The following SPO11 variants were observed in gnomAD, a reference collection of about 807,000 sequenced individuals.
The protein encoded by SPO11 is meiotic recombination protein SPO11.
In SPO11, 49 loss-of-function variants were observed where a neutral mutation model predicts 51.6. That is an observed-to-expected ratio of 0.95 (90% CI 0.75 to 1.20). SPO11 has a LOEUF of 1.20. Ranked by LOEUF, SPO11 falls within the 50% of genes most tolerant of loss-of-function variation. The pLI is 0.00. For missense variants in SPO11, 431 were observed against 473.4 expected, an observed-to-expected ratio of 0.91 and a Z score of 0.83; for synonymous variants, 176 against 158.2, an observed-to-expected ratio of 1.11 and a Z score of -0.84.
intron 2 of SPO11, among the ~76,000 whole-genome samples, chr20:57,332,630 A>G (rs888369684): frequency 4.6e-5 from 7 of 152,224 alleles, no homozygotes; most frequent in African/African-American, 9.6e-5. Context: ...ATGTTTTGAA[A>G]GATGGATTTT....
At chr20:57,333,824 T>C (rs760150845) in intron 4 of SPO11, 71 bp downstream of exon 4, 71 of 1,060,294 alleles carry the variant, frequency 6.7e-5, no homozygotes, top group Non-Finnish European at 9.4e-5. Flanking sequence ...ACTTTTATTA[T>C]ATGCTTTGAA....
chr20:57,335,403 AC>A lies in SPO11; in HGVS notation c.598-15del, dbSNP rs758789088. On this transcript the variant is annotated splice_polypyrimidine_tract_variant and intron_variant, in intron 6 of 12. Transcript: ENST00000371263. ...ATTTTGCTTTTTATGTAAGATAAAA[AC>A]TTTTTTTTTAAAAGGCTGTTGCTGT... The A allele has an allele frequency of 6.3e-7, 1 of 1,599,650 alleles. No individual in the cohort carries two copies. The highest frequency in any genetic ancestry group is 8.5e-7 in the Non-Finnish European group (1 of 1,174,668).
Position 57,330,135 on chromosome 20 carries a change from TCCTTCCTGAGTA to T in SPO11, c.131+140_131+151del, listed in dbSNP as rs1192294126. 4.4e-5 allele frequency: 57 copies of T among 1,284,058 alleles called. No homozygotes were observed. The East Asian group carries it at 1.5e-3, about 33-fold the overall frequency. The allele number at this position is 1,284,058 out of a possible 1,614,324, so 79.5% of individuals were successfully genotyped here. ...GGCCAGCCAGGAACCCCCAAAAAGA[TCCTTCCTGAGTA>T]CCCGTGACCTGCTTTGAACCCTTAT... On this transcript the variant is annotated intron_variant, in intron 1 of 12. Transcript: ENST00000371263.
At position 57,334,775 on chromosome 20, in the gene SPO11, C is replaced by A. The variant is rs761662774; in HGVS notation, c.536C>A (p.Ala179Asp). ...TTATCTACATCAAAAGGTTTAATTG[C>A]TGGCAACTTAAGATACATCGAGGAA... ...HILSTSKGLI[A>D]GNLRYIEEDG... The change falls in exon 6 of 13, where the codon GCT becomes GAT. Residue 179 changes from alanine (A) to aspartate (D), a missense_variant. Physicochemically the swap from Ala to Asp is moderately radical, Grantham distance 126 (BLOSUM62 -2). This residue lies in a region of SPO11 where 405 missense variants were observed against 425.9 expected (regional missense o/e 0.95). Coordinates refer to ENST00000371263, the MANE Select transcript of SPO11 (RefSeq NM_012444.3). The A allele has an allele frequency of 6.2e-7, 1 of 1,613,550 alleles. No homozygotes were observed. Among genetic ancestry groups the A allele is most frequent in the Non-Finnish European group, 8.5e-7 (1 of 1,179,700 alleles).
intron 1 of SPO11, 120 bp downstream of exon 1, chr20:57,330,118 A>G (rs935949474): frequency 1.5e-6 from 2 of 1,359,544 alleles, no homozygotes; most frequent in Non-Finnish European, 1.9e-6. Flanking sequence ...CGGGCCAGCC[A>G]GGAACCCCCA....
Position 57,329,948 on chromosome 20 carries a change from G to T in SPO11, c.81G>T (p.Leu27=). The change falls in exon 1 of 13, where the codon CTG becomes CTT. Residue 27 remains leucine, a synonymous_variant. Coordinates refer to ENST00000371263, the MANE Select transcript of SPO11 (RefSeq NM_012444.3). ...ACAGGGAGTCCCTGCTGGCTGCCCT[G>T]AGGAGAGGTGGCAGGGAGCCCCCAA... ...DRHRESLLAA[L]RRGGREPPTG... is the part of the protein sequence containing the mutation. The T allele has an allele frequency of 6.2e-7, 1 of 1,612,896 alleles. No individual in the cohort carries two copies.
intron 5 of SPO11, 133 bp from the exon 6 acceptor site, chr20:57,334,617 T>G: frequency 1.6e-6 from 1 of 633,288 alleles, no homozygotes; most frequent in Non-Finnish European, 2.7e-6. Context: ...CCCTTACATA[T>G]TTTCTCTTTC....
At chr20:57,340,433 T>C (rs1458177950) in intron 11 of SPO11, among the ~76,000 whole-genome samples, 2 of 152,234 alleles carry the variant, frequency 1.3e-5, no homozygotes, top group African/African-American at 4.8e-5. Context: ...CTTTTATGGT[T>C]AAGACATTTT....
intron 6 of SPO11, 70 bp downstream of exon 6, chr20:57,334,906 A>G (rs2066493717): frequency 7.5e-7 from 1 of 1,337,404 alleles, no homozygotes; most frequent in Admixed American, 2.0e-5. Flanking sequence ...GCATAATTTT[A>G]TTTCTTGCTT....
Position 57,342,816 on chromosome 20 carries a change from C to G in SPO11, c.1047C>G (p.Thr349=). 6.2e-7 allele frequency: 1 copy of G among 1,612,330 alleles called. No homozygotes were observed. Among genetic ancestry groups the G allele is most frequent in the Non-Finnish European group, 8.5e-7 (1 of 1,178,986 alleles). The part of the protein sequence containing the change: ...LDSILRRPYV[T]CQPFWRKEME... Reference sequence around the variant, plus strand: ...GTATCCTGAGGAGACCTTATGTTACCTGCCAACCATTTTGGAGAAAAGAAG... The same window carrying G: ...GTATCCTGAGGAGACCTTATGTTACGTGCCAACCATTTTGGAGAAAAGAAG... The change falls in exon 12 of 13, where the codon ACC becomes ACG. Residue 349 remains threonine (T), a synonymous_variant. Transcript: ENST00000371263.
chr20:57,330,386 TTTTA>T lies in SPO11; in HGVS notation c.131+392_131+395del, dbSNP rs960029960. On this transcript the variant is annotated intron_variant, in intron 1 of 12. Coordinates refer to ENST00000371263, the MANE Select transcript of SPO11 (RefSeq NM_012444.3). Reference sequence around the variant, plus strand: ...TTAAACTTTAAGGGTTTTTTTTGGTTTTTATTTTTTGGTTTTTTTTTAGAAAGAA... The same window carrying T: ...TTAAACTTTAAGGGTTTTTTTTGGTTTTTTTTGGTTTTTTTTTAGAAAGAA... Among the ~76,000 whole-genome samples the T allele has an allele frequency of 1.2e-4, 19 of 152,280 alleles. 1 individual carries two copies. The highest frequency in any genetic ancestry group is 1.1e-3 in the Admixed American group (17 of 15,300).
At chr20:57,336,038 G>T (rs1363386607) in intron 8 of SPO11, 131 bp downstream of exon 8, 1 of 583,162 alleles carries the variant, frequency 1.7e-6, no homozygotes, top group South Asian at 2.4e-5. Context: ...TCATAGAACG[G>T]GAATTTCCAA....
rs541871944 is a variant in SPO11, at chr20:57,334,444, G to A, written c.511-306G>A. Among the ~76,000 whole-genome samples the A allele has an allele frequency of 1.3e-4, 20 of 152,240 alleles. No homozygotes were observed. In the South Asian group the frequency reaches 2.7e-3, roughly 20 times the overall value. On this transcript the variant is annotated intron_variant, in intron 5 of 12. Transcript: ENST00000371263. Reference sequence around the variant, plus strand: ...TCTAGGATTACAGGCGTAAGCCACCGCGCCCAGACAAAACATAATTTTAAA... The same window carrying A: ...TCTAGGATTACAGGCGTAAGCCACCACGCCCAGACAAAACATAATTTTAAA...
At position 57,331,900 on chromosome 20, in the gene SPO11, G is replaced by T. The variant is rs781125742; in HGVS notation, c.199G>T (p.Ala67Ser). ...DIITSLARNE[A>S]PAFTIDNRSS... is the part of the protein sequence containing the mutation. ...AATCACAAGCTTGGCAAGAAATGAA[G>T]CACCTGCATTCACGATAGACAACAG... The change falls in exon 2 of 13, where the codon GCA becomes TCA. Residue 67 changes from alanine (A) to serine (S), a missense_variant. Around this residue, in one of 3 missense-constraint regions of SPO11, gnomAD observed 405 missense variants for 425.9 expected, o/e 0.95. Coordinates refer to ENST00000371263, the MANE Select transcript of SPO11 (RefSeq NM_012444.3). The T allele has an allele frequency of 1.9e-6, 3 of 1,605,212 alleles. No homozygotes were observed. Among genetic ancestry groups the T allele is most frequent in the South Asian group, 1.1e-5 (1 of 88,998 alleles).
At chr20:57,342,296 G>A (rs1214638702) in intron 11 of SPO11, among the ~76,000 whole-genome samples, 2 of 152,176 alleles carry the variant, frequency 1.3e-5, no homozygotes, top group East Asian at 3.8e-4. Context: ...GGAACCTAAA[G>A]TCCCTCAGTG....
chr20:57,339,550 GCCAA>G (rs2066554562), intron 10 of SPO11, among the ~76,000 whole-genome samples: 1 of 152,142 alleles, frequency 6.6e-6, no homozygotes, highest in South Asian at 2.1e-4. Context: ...GAACTACTGA[GCCAA>G]AATCTCTAGG....
chr20:57,329,943 G>C lies in SPO11; in HGVS notation c.76G>C (p.Ala26Pro). ...LDRHRESLLA[A>P]LRRGGREPPT... ...CCGACACAGGGAGTCCCTGCTGGCT[G>C]CCCTGAGGAGAGGTGGCAGGGAGCC... The change falls in exon 1 of 13, where the codon GCC becomes CCC. Residue 26 changes from alanine to proline, a missense_variant. By Grantham distance (27) the Ala-to-Pro change is conservative. Transcript: ENST00000371263. 1 of 1,613,204 alleles carries C rather than the reference G, an allele frequency of 6.2e-7. No homozygotes were observed. Among genetic ancestry groups the C allele is most frequent in the Non-Finnish European group, 8.5e-7 (1 of 1,179,804 alleles).
rs1157750377 is a variant in SPO11, at chr20:57,338,389, G to A, written c.844+14G>A. On this transcript the variant is annotated intron_variant, in intron 9 of 12. Transcript: ENST00000371263. ...CTGATCCACATGGTAATTTATCACT[G>A]GACTATTTACAACAATAGTCATAAC... 2 of 1,514,098 alleles carry A rather than the reference G, an allele frequency of 1.3e-6. No individual in the cohort carries two copies. Among genetic ancestry groups the A allele is most frequent in the South Asian group, 1.1e-5 (1 of 88,364 alleles). The allele number at this position is 1,514,098 out of a possible 1,614,324, so 93.8% of individuals were successfully genotyped here.
chr20:57,338,278 A>G lies in SPO11; in HGVS notation c.747A>G (p.Gly249=), dbSNP rs755413353. The G allele has an allele frequency of 3.1e-6, 5 of 1,605,028 alleles. No individual in the cohort carries two copies. In the Middle Eastern group the frequency reaches 8.3e-4, roughly 266 times the overall value. ...CTTAATTTTCATCTTCCTTTTAGGG[A>G]AAGGGAGTTCCTGATCTAAACACAA... The part of the protein sequence containing the change: ...NKLSPCIMIT[G]KGVPDLNTRL... Residue 249 remains glycine, a splice_region_variant and synonymous_variant, in exon 9 of 13, where the codon GGA becomes GGG. Transcript: ENST00000371263.
Sources: allele counts gnomAD v4.1 joint callset (sites outside exome capture counted in the v4.1 genomes callset), GRCh38; gene constraint gnomAD v4.1.1; regional missense constraint gnomAD v4.1.1; transcripts MANE v1.5; gene names NCBI Gene and HGNC (gene_info 2026-07-23, HGNC 2026-07-21).